Variants in ADCY1 observed in about 807,000 individuals in gnomAD.
The protein encoded by ADCY1 is adenylate cyclase 1.
A neutral mutation model predicts 105.4 loss-of-function variants in ADCY1; 28 were observed. The observed-to-expected ratio is 0.27, with a 90% confidence interval of 0.20 to 0.36. ADCY1 has a LOEUF of 0.36. Ranked by LOEUF, ADCY1 falls within the 10% of genes least tolerant of loss-of-function variation. The pLI is 1.00. For missense variants in ADCY1, 977 were observed against 1,434.2 expected, an observed-to-expected ratio of 0.68 and a Z score of 5.15; for synonymous variants, 655 against 623.8, an observed-to-expected ratio of 1.05 and a Z score of -0.75.
intron 1 of ADCY1, among the ~76,000 whole-genome samples, chr7:45,580,434 G>A (rs1020921399): frequency 2.0e-5 from 3 of 152,212 alleles, no homozygotes; most frequent in South Asian, 2.1e-4. Context: ...ATGACCCCAC[G>A]GTGTTTAGGT....
intron 8 of ADCY1, among the ~76,000 whole-genome samples, chr7:45,669,631 G>A (rs1038684020): frequency 5.9e-5 from 9 of 151,892 alleles, no homozygotes; most frequent in Admixed American, 2.6e-4. Flanking sequence ...AGAGTTCTGC[G>A]TATTTTCTTC....
intron 3 of ADCY1, among the ~76,000 whole-genome samples, chr7:45,621,504 A>G (rs1793885911): frequency 6.6e-6 from 1 of 152,240 alleles, no homozygotes; most frequent in South Asian, 2.1e-4. Flanking sequence ...ATTGTGAACA[A>G]TCACTGAGCT....
At chr7:45,678,838 A>G (rs887398778) in intron 10 of ADCY1, among the ~76,000 whole-genome samples, 1 of 151,966 alleles carries the variant, frequency 6.6e-6, no homozygotes, top group African/African-American at 2.4e-5. Context: ...GTGAGCTATG[A>G]TCTCACCACT....
At chr7:45,628,678 T>C (rs1584283989) in intron 4 of ADCY1, among the ~76,000 whole-genome samples, 1 of 152,300 alleles carries the variant, frequency 6.6e-6, no homozygotes. Context: ...AGGGAATCTG[T>C]CAATTTTCCT....
At chr7:45,673,100 G>A (rs1433940802) in intron 8 of ADCY1, among the ~76,000 whole-genome samples, 1 of 152,026 alleles carries the variant, frequency 6.6e-6, no homozygotes, top group Non-Finnish European at 1.5e-5. Flanking sequence ...TTACATTGAT[G>A]TTCAAATATT....
At chr7:45,617,984 A>G (rs1392742389) in intron 3 of ADCY1, among the ~76,000 whole-genome samples, 1 of 152,258 alleles carries the variant, frequency 6.6e-6, no homozygotes, top group South Asian at 2.1e-4. Flanking sequence ...AAGATATACT[A>G]CCAAGCTATA....
intron 3 of ADCY1, among the ~76,000 whole-genome samples, chr7:45,620,859 G>A (rs1158703440): frequency 4.6e-5 from 7 of 152,094 alleles, no homozygotes; most frequent in African/African-American, 1.7e-4. Context: ...TTACCACCAT[G>A]CAGAATCTTC....
At chr7:45,673,854 G>C (rs1344528699) in intron 8 of ADCY1, among the ~76,000 whole-genome samples, 1 of 150,614 alleles carries the variant, frequency 6.6e-6, no homozygotes, top group Non-Finnish European at 1.5e-5. Flanking sequence ...TTAGATTATT[G>C]ATTTGAGACT....
chr7:45,589,070 G>A (rs1792824680), intron 1 of ADCY1, among the ~76,000 whole-genome samples: 1 of 152,120 alleles, frequency 6.6e-6, no homozygotes, highest in South Asian at 2.1e-4. Context: ...TGCCCATCTG[G>A]TGGATGGAGA....
rs1785498615 is a variant in ADCY1 at position 45,722,593 on chromosome 7, A to C, written c.*8598A>C. ...GTCCTTATTATGATGACCATCTCGTAGTGGTACATTCCATTCCTATTTAAG... is the reference window on the plus strand; with the variant it reads ...GTCCTTATTATGATGACCATCTCGTCGTGGTACATTCCATTCCTATTTAAG... On this transcript the variant is annotated 3_prime_UTR_variant, in exon 20 of 20. Coordinates refer to ENST00000297323, the MANE Select transcript of ADCY1 (RefSeq NM_021116.4). 1 of 152,194 alleles carries C rather than the reference A, an allele frequency of 6.6e-6. No individual in the cohort carries two copies. Among genetic ancestry groups the C allele is most frequent in the African/African-American group, 2.4e-5 (1 of 41,440 alleles). The allele number at this position is 152,194 out of a possible 1,614,324, so 9.4% of individuals were successfully genotyped here. A position where few individuals can be genotyped will look rare whatever the true frequency, so the allele number is the denominator to read the frequency against.
intron 1 of ADCY1, among the ~76,000 whole-genome samples, chr7:45,581,081 A>C (rs895617204): frequency 6.6e-6 from 1 of 152,086 alleles, no homozygotes; most frequent in African/African-American, 2.4e-5. Flanking sequence ...CTCTTCTGGC[A>C]TTTCAGGGGC....
At chr7:45,668,237 C>T (rs1279392704) in intron 8 of ADCY1, among the ~76,000 whole-genome samples, 1 of 152,192 alleles carries the variant, frequency 6.6e-6, no homozygotes, top group East Asian at 1.9e-4. Flanking sequence ...CCAGTTTTTG[C>T]CCATTCAGTA....
intron 1 of ADCY1, among the ~76,000 whole-genome samples, chr7:45,579,440 G>A (rs962965139): frequency 6.6e-6 from 1 of 151,756 alleles, no homozygotes; most frequent in Non-Finnish European, 1.5e-5. Context: ...CCTTCCCCTG[G>A]CTGGGCCCCA....
intron 1 of ADCY1, among the ~76,000 whole-genome samples, chr7:45,586,526 G>A (rs976731150): frequency 2.6e-5 from 4 of 152,060 alleles, no homozygotes; most frequent in African/African-American, 4.8e-5. Flanking sequence ...GCATTCTGCC[G>A]GCCCTGTTTC....
chr7:45,686,701 G>A lies in ADCY1; in HGVS notation c.2454+28G>A. The A allele has an allele frequency of 6.3e-7, 1 of 1,578,246 alleles. No individual in the cohort carries two copies. On this transcript the variant is annotated intron_variant, in intron 14 of 19. Coordinates refer to ENST00000297323, the MANE Select transcript of ADCY1 (RefSeq NM_021116.4). The surrounding 1 kb of genome is among the most constrained non-coding windows in gnomAD (Gnocchi z 4.3). ...AAGACGAGCCCTTTCTGCTTTCTGG[G>A]GGTGGGGGATTTAGAGGAGGAAGAA... is the stretch of plus-strand genomic sequence containing the variant.
intron 17 of ADCY1, among the ~76,000 whole-genome samples, chr7:45,705,555 G>A (rs1435716897): frequency 6.6e-6 from 1 of 152,090 alleles, no homozygotes; most frequent in Non-Finnish European, 1.5e-5. Flanking sequence ...TCAGTGAACT[G>A]GCAATAGAAG....
chr7:45,688,492 T>C (rs967496842), intron 14 of ADCY1, among the ~76,000 whole-genome samples: 1 of 152,140 alleles, frequency 6.6e-6, no homozygotes, highest in African/African-American at 2.4e-5. Flanking sequence ...ATGAAAAAAA[T>C]GAACACAATT....
In ADCY1 at chr7:45,716,679, G is replaced by C. The variant is rs992762120; in HGVS notation, c.*2684G>C. ...GTAGACAGAGGAGTGAACCCCAAAG[G>C]TGTCCATGCCCCAGTTCTAAGCCCT... On this transcript the variant is annotated 3_prime_UTR_variant, in exon 20 of 20. Coordinates refer to ENST00000297323, the MANE Select transcript of ADCY1 (RefSeq NM_021116.4). 1 of 152,694 alleles carries C rather than the reference G, an allele frequency of 6.5e-6. No individual in the cohort carries two copies. The highest frequency in any genetic ancestry group is 2.1e-4 in the South Asian group (1 of 4,844). 9.5% of individuals were successfully genotyped at this position (152,694 alleles called of 1,614,324 possible). A position where few individuals can be genotyped will look rare whatever the true frequency, so the allele number is the denominator to read the frequency against.
At chr7:45,676,219 G>T (rs1213521671) in intron 8 of ADCY1, among the ~76,000 whole-genome samples, 1 of 151,946 alleles carries the variant, frequency 6.6e-6, no homozygotes, top group Non-Finnish European at 1.5e-5. Flanking sequence ...ATTTTTATCT[G>T]TTCTTTCTTA....
Sources: gnomAD v4.1 joint callset for allele counts (sites outside exome capture counted in the v4.1 genomes callset) on GRCh38, gnomAD v4.1.1 for gene constraint, Gnocchi (gnomAD v3.1) non-coding constraint, MANE v1.5 for transcripts, NCBI Gene and HGNC (gene_info 2026-07-23, HGNC 2026-07-21) for gene names.